ALK: variants seen among roughly 807,000 people sequenced by gnomAD.
ALK encodes the protein ALK receptor tyrosine kinase.
Under a neutral mutation model 163.1 loss-of-function variants are expected in ALK, and 74 were observed. The ratio of observed to expected loss-of-function variants is 0.45; its 90% confidence interval spans 0.38 to 0.55. The LOEUF (loss-of-function observed/expected upper bound fraction) is 0.55, where lower values mean the gene tolerates loss of function less well. Among genes scored for constraint, ALK ranks in the 20% least tolerant of loss-of-function variants. The pLI, the probability that ALK is intolerant of heterozygous loss-of-function variation, is 0.00. For missense variants in ALK, 2,063 were observed against 2,105.3 expected (o/e 0.98, Z 0.39); for synonymous variants, 960 against 843.2 (o/e 1.14, Z -2.40).
intron 4 of ALK, among the ~76,000 whole-genome samples, chr2:29,431,598 T>A (rs2148074522): frequency 6.6e-6 from 1 of 152,298 alleles, no homozygotes; most frequent in Admixed American, 6.5e-5. Context: ...GGTCAGGATA[T>A]GAAATATGTA....
In ALK at chr2:29,227,965, T is replaced by C. The variant is rs968682130; in HGVS notation, c.2816-293A>G. ...TGAGCAAGAGTCCAAAAAGTTCTAG[T>C]CTTTCCAGGCTGGGATATGCCCATG... On this transcript the variant is annotated intron_variant, in intron 16 of 28. Transcript: ENST00000389048. This position sits in a 1 kb window ranked among gnomAD's most constrained non-coding sequence, Gnocchi z 4.4. Among the ~76,000 whole-genome samples the C allele has an allele frequency of 6.6e-6, 1 of 152,302 alleles. No individual in the cohort carries two copies. Among genetic ancestry groups the C allele is most frequent in the Admixed American group, 6.5e-5 (1 of 15,298 alleles).
chr2:29,320,138 C>G lies in ALK; in HGVS notation c.1546+613G>C, dbSNP rs573368441. 2.6e-5 allele frequency among the ~76,000 whole-genome samples: 4 copies of G among 152,328 alleles called. No individual in the cohort carries two copies. In the East Asian group the frequency reaches 7.7e-4, roughly 29 times the overall value. On this transcript the variant is annotated intron_variant, in intron 7 of 28. Transcript: ENST00000389048. ...TGTCTCTGAGTCTGGAGTCAGCTTA[C>G]CCAGGAGGGGCTGGCTATCTCTTGG...
At chr2:29,202,680 A>G (rs1669212395) in intron 26 of ALK, among the ~76,000 whole-genome samples, 5 of 152,136 alleles carry the variant, frequency 3.3e-5, no homozygotes, top group Admixed American at 3.3e-4. Context: ...CCCACTGAAC[A>G]CTGTTTTTGA....
At chr2:29,508,315 T>C (rs1672397281) in intron 4 of ALK, among the ~76,000 whole-genome samples, 1 of 152,172 alleles carries the variant, frequency 6.6e-6, no homozygotes, top group South Asian at 2.1e-4. Context: ...CGTCAGCTTG[T>C]TAGAAATGCA....
At chr2:29,646,022 A>G (rs1465653151) in intron 3 of ALK, among the ~76,000 whole-genome samples, 1 of 152,062 alleles carries the variant, frequency 6.6e-6, no homozygotes, top group Non-Finnish European at 1.5e-5. Context: ...CTGGATTTGT[A>G]TCTTCAGCCG....
chr2:29,358,370 T>C (rs1055164349), intron 5 of ALK, among the ~76,000 whole-genome samples: 54 of 152,324 alleles, frequency 3.5e-4, no homozygotes, highest in African/African-American at 1.2e-3. Context: ...AGCTGAAAAG[T>C]AAAGATGGAG....
intron 3 of ALK, among the ~76,000 whole-genome samples, chr2:29,560,975 TA>T (rs1333464785): frequency 6.6e-6 from 1 of 152,168 alleles, no homozygotes; most frequent in Non-Finnish European, 1.5e-5. Context: ...TAATATGTAA[TA>T]AATTTAAATG....
rs551022901 is a variant in ALK at position 29,195,828 on chromosome 2, GAA to G, written c.4164+940_4164+941del. On this transcript the variant is annotated intron_variant, in intron 28 of 28. Transcript: ENST00000389048. ...GAACGAGAACCAAGAGAGAGGGAAA[GAA>G]AGTGAATACAGGGAAGAGGAGAGCA... 3.0e-3 allele frequency among the ~76,000 whole-genome samples: 450 copies of G among 152,340 alleles called. 1 individual carries two copies. The highest frequency in any genetic ancestry group is 5.4e-3 in the Admixed American group (82 of 15,300).
At chr2:29,684,124 A>G (rs1375588851) in intron 3 of ALK, among the ~76,000 whole-genome samples, 17 of 152,184 alleles carry the variant, frequency 1.1e-4, no homozygotes, top group Admixed American at 1.1e-3. Context: ...CCCTTCAAGC[A>G]TAAATTCAGA....
At chr2:29,288,171 A>C (rs941228547) in intron 9 of ALK, among the ~76,000 whole-genome samples, 12 of 152,204 alleles carry the variant, frequency 7.9e-5, no homozygotes, top group African/African-American at 2.2e-4. Context: ...CTCCAGGACT[A>C]GGGACAGGTC....
intron 1 of ALK, among the ~76,000 whole-genome samples, chr2:29,783,033 C>T (rs1663880645): frequency 1.3e-5 from 2 of 152,182 alleles, no homozygotes; most frequent in Non-Finnish European, 2.9e-5. Context: ...TGTTCTGTTT[C>T]TAGGCTGTTC....
chr2:29,374,790 A>C (rs1668715299), intron 5 of ALK, among the ~76,000 whole-genome samples: 1 of 152,186 alleles, frequency 6.6e-6, no homozygotes, highest in South Asian at 2.1e-4. Flanking sequence ...GTCCACGGTA[A>C]GTTAAGGGCA....
chr2:29,526,051 AGGAG>A (rs1312949422), intron 4 of ALK, among the ~76,000 whole-genome samples: 3 of 152,150 alleles, frequency 2.0e-5, no homozygotes, highest in African/African-American at 7.2e-5. Flanking sequence ...TACTCTGAGA[AGGAG>A]GGGTTTAAGT....
rs930657893 is a variant in ALK, at chr2:29,767,926, G to C, written c.668-50229C>G. On this transcript the variant is annotated intron_variant, in intron 1 of 28. Coordinates refer to ENST00000389048, the MANE Select transcript of ALK (RefSeq NM_004304.5). ...CTTCTAGCCCCAGTCTGGGGAAGTCGTGATGATTACTCATTAGGTAGCTAC... is the reference window on the plus strand; with the variant it reads ...CTTCTAGCCCCAGTCTGGGGAAGTCCTGATGATTACTCATTAGGTAGCTAC... Among the ~76,000 whole-genome samples, 3 of 152,242 alleles carry C rather than the reference G, an allele frequency of 2.0e-5. 1 individual carries two copies. The highest frequency in any genetic ancestry group is 7.2e-5 in the African/African-American group (3 of 41,460).
intron 3 of ALK, among the ~76,000 whole-genome samples, chr2:29,575,216 C>T (rs1674490607): frequency 2.0e-5 from 3 of 152,154 alleles, no homozygotes; most frequent in African/African-American, 7.2e-5. Context: ...GGTGGAAATC[C>T]AAGAGAGGAC....
At chr2:29,743,748 G>A (rs1680126840) in intron 1 of ALK, among the ~76,000 whole-genome samples, 1 of 152,182 alleles carries the variant, frequency 6.6e-6, no homozygotes, top group Admixed American at 6.5e-5. Flanking sequence ...AGGCCTGCCA[G>A]TCTTTGTTTA....
At chr2:29,294,030 A>G (rs1666112777) in intron 9 of ALK, among the ~76,000 whole-genome samples, 2 of 152,198 alleles carry the variant, frequency 1.3e-5, no homozygotes, top group Non-Finnish European at 2.9e-5. Context: ...TCCACAAAGT[A>G]GGTGCTGAAT....
chr2:29,920,416 C>G lies in ALK; in HGVS notation c.244G>C (p.Ala82Pro). 1.3e-6 allele frequency: 2 copies of G among 1,595,292 alleles called. No individual in the cohort carries two copies. The highest frequency in any genetic ancestry group is 1.7e-6 in the Non-Finnish European group (2 of 1,171,432). ...GAGCCGCGGGCCTCGGGCCTGCCAGCCTTCAGCTCCGAGGAGGATGGTGGC... is the reference window on the plus strand; with the variant it reads ...GAGCCGCGGGCCTCGGGCCTGCCAGGCTTCAGCTCCGAGGAGGATGGTGGC... ...LLPPSSSELKAGRPEARGSLA... is the reference protein window; with the variant it reads ...LLPPSSSELKPGRPEARGSLA... The change falls in exon 1 of 29, where the codon GCT becomes CCT. Residue 82 changes from alanine (A) to proline (P), a missense_variant. This residue lies in a region of ALK where 987 missense variants were observed against 939.5 expected (regional missense o/e 1.05). Transcript: ENST00000389048.
chr2:29,471,898 C>T (rs1269298922), intron 4 of ALK, among the ~76,000 whole-genome samples: 1 of 152,192 alleles, frequency 6.6e-6, no homozygotes, highest in African/African-American at 2.4e-5. Context: ...GTCCCCACCA[C>T]ATCCAGGTAA....
Sources: allele counts gnomAD v4.1 joint callset (sites outside exome capture counted in the v4.1 genomes callset), GRCh38; gene constraint gnomAD v4.1.1; regional missense constraint gnomAD v4.1.1; non-coding constraint Gnocchi (gnomAD v3.1); transcripts MANE v1.5; gene names NCBI Gene and HGNC (gene_info 2026-07-23, HGNC 2026-07-21).